REV3L: variants seen among roughly 807,000 people sequenced by gnomAD.
The protein encoded by REV3L is DNA polymerase zeta catalytic subunit.
A neutral mutation model predicts 299.4 loss-of-function variants in REV3L; 69 were observed. That is an observed-to-expected ratio of 0.23 (90% CI 0.19 to 0.28). The LOEUF (loss-of-function observed/expected upper bound fraction) is 0.28. Ranked by LOEUF, REV3L falls within the 10% of genes least tolerant of loss-of-function variation. The probability of loss-of-function intolerance (pLI) is 1.00; values close to 1 mark genes in which losing one functional copy is unlikely to be tolerated. For missense variants in REV3L, 3,128 were observed against 3,693.8 expected, an observed-to-expected ratio of 0.85 and a Z score of 3.97; for synonymous variants, 1,238 against 1,271.4, an observed-to-expected ratio of 0.97 and a Z score of 0.56.
chr6:111,437,236 G>A (rs905948944), intron 1 of REV3L, among the ~76,000 whole-genome samples: 3 of 152,030 alleles, frequency 2.0e-5, no homozygotes, highest in Non-Finnish European at 2.9e-5. Context: ...CTACTCCTAG[G>A]TATATGTCTA....
Position 111,411,477 on chromosome 6 carries a change from T to C in REV3L, c.404+3A>G. 6.4e-7 allele frequency: 1 copy of C among 1,554,846 alleles called. No individual in the cohort carries two copies. The highest frequency in any genetic ancestry group is 8.8e-7 in the Non-Finnish European group (1 of 1,140,126). The stretch of plus-strand genomic sequence containing the variant: ...CATATTTTGGTTTCATTTATCTTTG[T>C]ACCTTTTCACCATTGTAGGATTGTA... On this transcript the variant is annotated splice_donor_region_variant and intron_variant, in intron 3 of 31. Transcript: ENST00000368802.
chr6:111,409,165 T>C (rs1783971520), intron 3 of REV3L, among the ~76,000 whole-genome samples: 1 of 152,258 alleles, frequency 6.6e-6, no homozygotes, highest in Non-Finnish European at 1.5e-5. Flanking sequence ...TCTGTTGCAG[T>C]ATATTGCTTT....
intron 23 of REV3L, 105 bp downstream of exon 23, chr6:111,333,018 C>T: frequency 1.5e-6 from 2 of 1,331,792 alleles, no homozygotes; most frequent in South Asian, 2.8e-5. Context: ...ATTTATCTTG[C>T]TCATAGGGAA....
rs533814037 is a variant in REV3L, at chr6:111,299,433, G to A, written c.*583C>T. 3.3e-5 allele frequency: 5 copies of A among 152,626 alleles called. No homozygotes were observed. The highest frequency in any genetic ancestry group is 6.5e-5 in the Admixed American group (1 of 15,288). 9.5% of individuals were successfully genotyped at this position (152,626 alleles called of 1,614,324 possible). On this transcript the variant is annotated 3_prime_UTR_variant, in exon 32 of 32. Coordinates refer to ENST00000368802, the MANE Select transcript of REV3L (RefSeq NM_001372078.1). ...AAAATAATGTTTCAAAATGCTACACGTGGTACTACTGTTTGCACAGTTTGA... is the reference window on the plus strand; with the variant it reads ...AAAATAATGTTTCAAAATGCTACACATGGTACTACTGTTTGCACAGTTTGA...
At chr6:111,409,371 T>A (rs1164448632) in intron 3 of REV3L, among the ~76,000 whole-genome samples, 2 of 152,160 alleles carry the variant, frequency 1.3e-5, no homozygotes, top group African/African-American at 4.8e-5. Flanking sequence ...TTTTTTTTTT[T>A]TTTAAAGGTG....
In REV3L at chr6:111,319,280, G is replaced by A. The variant is rs551826289; in HGVS notation, c.8351+3289C>T. On this transcript the variant is annotated intron_variant, in intron 26 of 31. Transcript: ENST00000368802. ...GTTCAAGACCAGCCTGGCCAACATA[G>A]TGAAACCCCATCTCTACTAAAAATA... Among the ~76,000 whole-genome samples the A allele has an allele frequency of 6.6e-5, 10 of 152,208 alleles. No homozygotes were observed. In the East Asian group the frequency reaches 1.7e-3, roughly 27 times the overall value.
chr6:111,336,566 G>A (rs1775912457), intron 21 of REV3L, among the ~76,000 whole-genome samples: 1 of 152,092 alleles, frequency 6.6e-6, no homozygotes, highest in African/African-American at 2.4e-5. Context: ...CTCATATACT[G>A]CTGGTGGGAA....
At chr6:111,351,459 CCAA>C (rs949536284) in intron 19 of REV3L, among the ~76,000 whole-genome samples, 2 of 151,714 alleles carry the variant, frequency 1.3e-5, no homozygotes, top group Admixed American at 1.3e-4. Flanking sequence ...AGGAAAAAAC[CCAA>C]CAACTATACT....
chr6:111,398,785 T>C (rs1237491539), intron 4 of REV3L, among the ~76,000 whole-genome samples: 1 of 152,162 alleles, frequency 6.6e-6, no homozygotes, highest in Non-Finnish European at 1.5e-5. Context: ...TTGTACATGA[T>C]TTCAGTATAA....
At chr6:111,482,470 C>T (rs1214731300) in intron 1 of REV3L, among the ~76,000 whole-genome samples, 1 of 151,392 alleles carries the variant, frequency 6.6e-6, no homozygotes, top group African/African-American at 2.4e-5. Flanking sequence ...CCCTGGAGTG[C>T]GGCTCCCGCT....
intron 1 of REV3L, among the ~76,000 whole-genome samples, chr6:111,445,661 A>G (rs1583021228): frequency 1.3e-5 from 2 of 152,312 alleles, no homozygotes; most frequent in East Asian, 3.9e-4. Flanking sequence ...GGTTGTTGCA[A>G]AAAGTTATAC....
At chr6:111,419,514 G>A (rs991000688) in intron 1 of REV3L, among the ~76,000 whole-genome samples, 2 of 152,160 alleles carry the variant, frequency 1.3e-5, no homozygotes, top group African/African-American at 2.4e-5. Context: ...TGGAGATACA[G>A]AGCTGTAAAG....
intron 21 of REV3L, among the ~76,000 whole-genome samples, chr6:111,338,546 T>C (rs1375732235): frequency 6.6e-6 from 1 of 151,442 alleles, no homozygotes; most frequent in East Asian, 1.9e-4. Flanking sequence ...TATACATAAC[T>C]GTTACGGTGA....
Position 111,376,309 on chromosome 6 carries a change from T to C in REV3L, c.2046A>G (p.Arg682=). Reference sequence around the variant, plus strand: ...TAAAAGGGGAATCCTTTTCGATTTTTCTAATGTTTGTATATTTTCTACTTG... The same window carrying C: ...TAAAAGGGGAATCCTTTTCGATTTTCCTAATGTTTGTATATTTTCTACTTG... ...QVPSRKYTNI[R]KIEKDSPFIH... The change falls in exon 13 of 32, where the codon AGA becomes AGG. Residue 682 remains arginine, a synonymous_variant. Transcript: ENST00000368802. 1 of 1,613,536 alleles carries C rather than the reference T, an allele frequency of 6.2e-7. No individual in the cohort carries two copies. Among genetic ancestry groups the C allele is most frequent in the Non-Finnish European group, 8.5e-7 (1 of 1,179,830 alleles).
chr6:111,456,038 G>A (rs17539169), intron 1 of REV3L, among the ~76,000 whole-genome samples: 4,472 of 152,132 alleles, frequency 0.029, 98 homozygotes, highest in Non-Finnish European at 0.047. Flanking sequence ...GGGACATTTC[G>A]TTTTCTAATG....
Position 111,322,749 on chromosome 6 carries a change from A to G in REV3L, c.8242-71T>C, listed in dbSNP as rs1424550532. 9 of 996,122 alleles carry G rather than the reference A, an allele frequency of 9.0e-6. No individual in the cohort carries two copies. The Admixed American group carries it at 1.1e-4, about 12-fold the overall frequency. 61.7% of individuals were successfully genotyped at this position (996,122 alleles called of 1,614,324 possible). The stretch of plus-strand genomic sequence containing the variant: ...TATAAGTTAACAGACTTTAACATAT[A>G]ATACATTTAATTACTAAATATTTCC... On this transcript the variant is annotated intron_variant, in intron 25 of 31. Transcript: ENST00000368802.
intron 1 of REV3L, among the ~76,000 whole-genome samples, chr6:111,479,081 G>A (rs1250932084): frequency 1.3e-5 from 2 of 152,110 alleles, no homozygotes; most frequent in Non-Finnish European, 2.9e-5. Context: ...GTCGAGATGT[G>A]GAAAATGGAC....
In REV3L at chr6:111,367,186, C is replaced by T; in HGVS notation, c.6602G>A (p.Ser2201Asn). The change falls in exon 14 of 32, where the codon AGT becomes AAT. Residue 2201 changes from serine (S) to asparagine (N), a missense_variant. Coordinates refer to ENST00000368802, the MANE Select transcript of REV3L (RefSeq NM_001372078.1). ...AAGTTTTCTCTGTATGATTGGTGTA[C>T]TATGAAAGCAAAGTGATTCACATTT... is the stretch of plus-strand genomic sequence containing the variant. ...TGKCESLCFH[S>N]TPIIQRKLLE... is the part of the protein sequence containing the mutation. 2.5e-6 allele frequency: 4 copies of T among 1,613,718 alleles called. No homozygotes were observed. The highest frequency in any genetic ancestry group is 1.1e-5 in the South Asian group (1 of 90,992).
At chr6:111,449,612 A>G (rs371836783) in intron 1 of REV3L, among the ~76,000 whole-genome samples, 24 of 152,364 alleles carry the variant, frequency 1.6e-4, no homozygotes, top group African/African-American at 5.1e-4. Flanking sequence ...TAGAATAATC[A>G]TAAGATTATT....
Sources: allele counts gnomAD v4.1 joint callset (sites outside exome capture counted in the v4.1 genomes callset), GRCh38; gene constraint gnomAD v4.1.1; transcripts MANE v1.5; gene names NCBI Gene and HGNC (gene_info 2026-07-23, HGNC 2026-07-21).